Variants in GIMAP6 observed in about 807,000 individuals in gnomAD.
The protein encoded by GIMAP6 is GTPase IMAP family member 6.
Under a neutral mutation model 9.3 loss-of-function variants are expected in GIMAP6, and 6 were observed. That is an observed-to-expected ratio of 0.65 (90% confidence interval 0.35 to 1.27). GIMAP6 has a LOEUF of 1.27. Ranked by LOEUF, GIMAP6 falls within the 50% of genes most tolerant of loss-of-function variation. GIMAP6 has a pLI of 0.03. For synonymous variants in GIMAP6, 156 were observed against 151.1 expected (o/e 1.03, Z -0.24); for missense variants, 333 against 359.5 (o/e 0.93, Z 0.60).
intron 2 of GIMAP6, among the ~76,000 whole-genome samples, chr7:150,629,635 TC>T (rs1446160813): frequency 2.0e-5 from 3 of 152,044 alleles, no homozygotes; most frequent in African/African-American, 4.8e-5. Flanking sequence ...CAAGGCGCTT[TC>T]AAACTTACAA....
At chr7:150,628,856 A>C in intron 2 of GIMAP6, 1 of 777,008 alleles carries the variant, frequency 1.3e-6, no homozygotes, top group Non-Finnish European at 1.9e-6. Flanking sequence ...CCCAGAGCAC[A>C]TAAAGAAGTG....
chr7:150,629,932 G>A, intron 2 of GIMAP6, 126 bp downstream of exon 2: 1 of 710,362 alleles, frequency 1.4e-6, no homozygotes, highest in Non-Finnish European at 2.4e-6. Context: ...GATGGTGGCT[G>A]AGGCGGGTAA....
Position 150,627,103 on chromosome 7 carries a change from G to C in GIMAP6, c.*616C>G, listed in dbSNP as rs905783716. ...ACGGGGCTTGTTTGTTACAGCTCAAGAGTGAATAAAAGGGCTGCTCCTCCT... is the reference window on the plus strand; with the variant it reads ...ACGGGGCTTGTTTGTTACAGCTCAACAGTGAATAAAAGGGCTGCTCCTCCT... On this transcript the variant is annotated 3_prime_UTR_variant, in exon 3 of 3. Transcript: ENST00000328902. 2.6e-5 allele frequency: 4 copies of C among 156,190 alleles called. No homozygotes were observed. Among genetic ancestry groups the C allele is most frequent in the Non-Finnish European group, 5.6e-5 (4 of 70,906 alleles). The allele number at this position is 156,190 out of a possible 1,614,324, so 9.7% of individuals were successfully genotyped here. A position where few individuals can be genotyped will look rare whatever the true frequency, so the allele number is the denominator to read the frequency against.
At chr7:150,628,761 G>A (rs1346252340) in intron 2 of GIMAP6, 1 of 1,442,686 alleles carries the variant, frequency 6.9e-7, no homozygotes, top group African/African-American at 1.4e-5. Flanking sequence ...AGAACACCAA[G>A]AAACCCAATA....
chr7:150,625,785 A>G lies in GIMAP6; in HGVS notation c.*1934T>C, dbSNP rs962906055. On this transcript the variant is annotated 3_prime_UTR_variant, in exon 3 of 3. Coordinates refer to ENST00000328902, the MANE Select transcript of GIMAP6 (RefSeq NM_024711.6). ...CTGAGAATAACAAGGTAAATATAAA[A>G]ATGAAGACTGAGGCAAAAATTGGCT... is the stretch of plus-strand genomic sequence containing the variant. 6.6e-6 allele frequency: 1 copy of G among 152,206 alleles called. No individual in the cohort carries two copies. Among genetic ancestry groups the G allele is most frequent in the African/African-American group, 2.4e-5 (1 of 41,446 alleles). The allele number at this position is 152,206 out of a possible 1,614,324, so 9.4% of individuals were successfully genotyped here.
rs1796406342 is a variant in GIMAP6 at position 150,632,329 on chromosome 7, G to A, written c.-161C>T. On this transcript the variant is annotated 5_prime_UTR_variant, in exon 1 of 3. Transcript: ENST00000328902. Reference sequence around the variant, plus strand: ...TCAGCAAAATGTTTTCAGAGAGCTGGGCTGGAGACCTGCCCTTGAAAGAGC... The same window carrying A: ...TCAGCAAAATGTTTTCAGAGAGCTGAGCTGGAGACCTGCCCTTGAAAGAGC... 6.6e-6 allele frequency: 1 copy of A among 152,234 alleles called. No homozygotes were observed. The highest frequency in any genetic ancestry group is 1.5e-5 in the Non-Finnish European group (1 of 68,044). The allele number at this position is 152,234 out of a possible 1,614,324, so 9.4% of individuals were successfully genotyped here.
rs978076616 is a variant in GIMAP6, at chr7:150,628,794, G to A, written c.86-282C>T. 1.5e-5 allele frequency: 21 copies of A among 1,379,218 alleles called. No individual in the cohort carries two copies. In the East Asian group the frequency reaches 2.3e-4, roughly 15 times the overall value. 85.4% of individuals were successfully genotyped at this position (1,379,218 alleles called of 1,614,324 possible). A position where few individuals can be genotyped will look rare whatever the true frequency, so the allele number is the denominator to read the frequency against. ...ATACCAAGGTTTTTAGATATGACTGGGGAAGAAGGCAGGAAGGGAATTCCC... is the reference window on the plus strand; with the variant it reads ...ATACCAAGGTTTTTAGATATGACTGAGGAAGAAGGCAGGAAGGGAATTCCC... On this transcript the variant is annotated intron_variant, in intron 2 of 2. Transcript: ENST00000328902.
In GIMAP6 at chr7:150,628,041, G is replaced by C. The variant is rs1331052804; in HGVS notation, c.557C>G (p.Ala186Gly). The change falls in exon 3 of 3, where the codon GCC becomes GGC. Residue 186 changes from alanine to glycine, a missense_variant. By Grantham distance (60) the Ala-to-Gly change is moderately conservative. Transcript: ENST00000328902. ...YVRETNNQAL[A>G]WLDVTLARRH... ...CCGTGCAAGGGTCACATCCAGCCAG[G>C]CAAGGGCCTGGTTGTTGGTCTCTCG... 1 of 1,614,120 alleles carries C rather than the reference G, an allele frequency of 6.2e-7. No individual in the cohort carries two copies.
At chr7:150,628,745 G>C (rs1268455027) in intron 2 of GIMAP6, 2 of 1,453,764 alleles carry the variant, frequency 1.4e-6, no homozygotes, top group Non-Finnish European at 1.8e-6. Flanking sequence ...GCGAGACTTG[G>C]CCAATAGAAC....
intron 1 of GIMAP6, among the ~76,000 whole-genome samples, chr7:150,631,386 G>C (rs928887399): frequency 6.6e-6 from 1 of 152,208 alleles, no homozygotes; most frequent in African/African-American, 2.4e-5. Context: ...GACCTGAACA[G>C]CCAGATTCTG....
Position 150,628,225 on chromosome 7 carries a change from C to T in GIMAP6, c.373G>A (p.Ala125Thr), listed in dbSNP as rs1370590200. 2.1e-5 allele frequency: 34 copies of T among 1,614,024 alleles called. No homozygotes were observed. The highest frequency in any genetic ancestry group is 3.3e-5 in the Admixed American group (2 of 60,006). ...AIVLSAPGPH[A>T]VLLVTQLGRF... ...CCCAGTTGTGTCACCAGGAGCACGG[C>T]GTGGGGCCCTGGGGCGGATAAGACG... The change falls in exon 3 of 3, where the codon GCC becomes ACC. Residue 125 changes from alanine to threonine, a missense_variant. Physicochemically the swap from Ala to Thr is moderately conservative, Grantham distance 58. Transcript: ENST00000328902.
chr7:150,632,353 G>C lies in GIMAP6; in HGVS notation c.-185C>G, dbSNP rs1303176745. On this transcript the variant is annotated 5_prime_UTR_variant, in exon 1 of 3. Transcript: ENST00000328902. ...GGGCTGGAGACCTGCCCTTGAAAGA[G>C]CAGTGTCCGCTGGAGATGGAGGAAC... The C allele has an allele frequency of 6.6e-6, 1 of 152,230 alleles. No homozygotes were observed. The highest frequency in any genetic ancestry group is 6.5e-5 in the Admixed American group (1 of 15,286). The allele number at this position is 152,230 out of a possible 1,614,324, so 9.4% of individuals were successfully genotyped here.
intron 1 of GIMAP6, among the ~76,000 whole-genome samples, chr7:150,630,598 CG>C (rs1796375600): frequency 6.6e-6 from 1 of 152,084 alleles, no homozygotes. Context: ...GCCTGGAGGA[CG>C]TGAATGAGTA....
intron 1 of GIMAP6, 28 bp from the exon 2 acceptor site, chr7:150,630,170 CAT>C (rs781484595): frequency 1.9e-6 from 2 of 1,035,848 alleles, no homozygotes; most frequent in South Asian, 1.4e-5. Context: ...AAAAAAAAAT[CAT>C]ATGTTCTACT....
At chr7:150,630,344 A>T (rs907803201) in intron 1 of GIMAP6, among the ~76,000 whole-genome samples, 1 of 152,024 alleles carries the variant, frequency 6.6e-6, no homozygotes, top group African/African-American at 2.4e-5. Context: ...TTCTTTAGGG[A>T]TGCTATCCCT....
chr7:150,629,684 T>C (rs1796359193), intron 2 of GIMAP6, among the ~76,000 whole-genome samples: 1 of 152,112 alleles, frequency 6.6e-6, no homozygotes, highest in Non-Finnish European at 1.5e-5. Context: ...CAAACACCCA[T>C]ACAGGGTCTG....
At position 150,630,148 on chromosome 7, in the gene GIMAP6, A is replaced by T; in HGVS notation, c.1-6T>A. 1 of 226,870 alleles carries T rather than the reference A, an allele frequency of 4.4e-6. No individual in the cohort carries two copies. Among genetic ancestry groups the T allele is most frequent in the Admixed American group, 8.1e-5 (1 of 12,404 alleles). 14.1% of individuals were successfully genotyped at this position (226,870 alleles called of 1,614,324 possible). Reference sequence around the variant, plus strand: ...TCATATTCTTCTTCCTCCATCTACAAAAAAAAAAAAAAAAAAAAAATCATA... The same window carrying T: ...TCATATTCTTCTTCCTCCATCTACATAAAAAAAAAAAAAAAAAAAATCATA... On this transcript the variant is annotated splice_region_variant and splice_polypyrimidine_tract_variant and intron_variant, in intron 1 of 2. Transcript: ENST00000328902.
Position 150,630,099 on chromosome 7 carries a change from G to C in GIMAP6, c.44C>G (p.Pro15Arg), listed in dbSNP as rs771444247. ...EYEQIPQENP[P>R]EELSQDPVLE... is the part of the protein sequence containing the mutation. Reference sequence around the variant, plus strand: ...CACAGGATCCTGGGACAGCTCTTCTGGGGGATTCTCCTGGGGAATTTGTTC... The same window carrying C: ...CACAGGATCCTGGGACAGCTCTTCTCGGGGATTCTCCTGGGGAATTTGTTC... Residue 15 changes from proline to arginine, a missense_variant, in exon 2 of 3, where the codon CCA (proline) becomes CGA (arginine). Coordinates refer to ENST00000328902, the MANE Select transcript of GIMAP6 (RefSeq NM_024711.6). 5.7e-6 allele frequency: 9 copies of C among 1,581,738 alleles called. No individual in the cohort carries two copies. In the South Asian group the frequency reaches 9.3e-5, roughly 16 times the overall value.
In GIMAP6 at chr7:150,630,760, G is replaced by C. The variant is rs17173521; in HGVS notation, c.1-618C>G. On this transcript the variant is annotated intron_variant, in intron 1 of 2. Transcript: ENST00000328902. ...GGAGAAGCAGCCACCAGTTAGCTCT[G>C]TCTGGGCCTCAGCATCCCATCAGTA... Among the ~76,000 whole-genome samples the C allele has an allele frequency of 8.0e-3, 1,213 of 152,366 alleles. 16 individuals are homozygous for C. Among genetic ancestry groups the C allele is most frequent in the African/African-American group, 0.028 (1,165 of 41,578 alleles).
Sources: allele counts gnomAD v4.1 joint callset (sites outside exome capture counted in the v4.1 genomes callset), GRCh38; gene constraint gnomAD v4.1.1; transcripts MANE v1.5; gene names NCBI Gene and HGNC (gene_info 2026-07-23, HGNC 2026-07-21).